The following DCDC1 variants were observed in gnomAD, a reference collection of about 807,000 sequenced individuals.
DCDC1 encodes the protein doublecortin domain containing 1, also known as doublecortin domain-containing protein 1.
Under a neutral mutation model 178.3 loss-of-function variants are expected in DCDC1, and 200 were observed. That is an observed-to-expected ratio of 1.12 (90% CI 1.00 to 1.26). DCDC1 has a LOEUF of 1.26. DCDC1 is among the 50% of genes most tolerant of loss of function. The pLI, the probability that DCDC1 is intolerant of heterozygous loss-of-function variation, is 0.00. For missense variants in DCDC1, 1,983 were observed against 1,749.2 expected (o/e 1.13, Z -2.38); for synonymous variants, 690 against 604.8 (o/e 1.14, Z -2.07).
intron 9 of DCDC1, among the ~76,000 whole-genome samples, chr11:31,165,302 T>C (rs1966672081): frequency 1.3e-5 from 2 of 152,192 alleles, no homozygotes; most frequent in Admixed American, 1.3e-4. Flanking sequence ...TTATACATGA[T>C]GTTGAACAAC....
At chr11:31,068,573 T>A (rs1956381678) in intron 18 of DCDC1, among the ~76,000 whole-genome samples, 1 of 152,134 alleles carries the variant, frequency 6.6e-6, no homozygotes, top group South Asian at 2.1e-4. Flanking sequence ...TGTGTGGGTG[T>A]GGGTATGTGT....
chr11:31,209,488 G>A (rs1052535923), intron 9 of DCDC1, among the ~76,000 whole-genome samples: 6 of 152,138 alleles, frequency 3.9e-5, no homozygotes, highest in African/African-American at 1.4e-4. Context: ...AATAACTAGG[G>A]ATCATTATTG....
At chr11:31,052,332 T>C (rs1955312700) in intron 20 of DCDC1, among the ~76,000 whole-genome samples, 1 of 152,118 alleles carries the variant, frequency 6.6e-6, no homozygotes, top group African/African-American at 2.4e-5. Context: ...CACCTAACAC[T>C]GGAGCTCCCA....
At chr11:30,883,299 A>C in intron 36 of DCDC1, 1 of 198,318 alleles carries the variant, frequency 5.0e-6, no homozygotes, top group Non-Finnish European at 1.1e-5. Flanking sequence ...GACTAGGTGG[A>C]GAAGATCTCA....
chr11:31,008,636 C>T (rs1951993485), intron 20 of DCDC1, among the ~76,000 whole-genome samples: 1 of 152,194 alleles, frequency 6.6e-6, no homozygotes, highest in Admixed American at 6.5e-5. Context: ...TCTCTACACG[C>T]ACACACAAGA....
At chr11:31,076,910 T>TA (rs917227765) in intron 18 of DCDC1, among the ~76,000 whole-genome samples, 5 of 152,042 alleles carry the variant, frequency 3.3e-5, no homozygotes, top group African/African-American at 1.2e-4. Flanking sequence ...CCATATTGGG[T>TA]ATTCACTTGC....
At chr11:30,957,080 C>G (rs1043057064) in intron 20 of DCDC1, among the ~76,000 whole-genome samples, 2 of 152,212 alleles carry the variant, frequency 1.3e-5, no homozygotes, top group African/African-American at 4.8e-5. Flanking sequence ...CTCCTGCCCT[C>G]CACTATAGCG....
chr11:31,218,469 C>T (rs1037135682), intron 9 of DCDC1, among the ~76,000 whole-genome samples: 1 of 152,232 alleles, frequency 6.6e-6, no homozygotes, highest in East Asian at 1.9e-4. Flanking sequence ...AAGAGACATT[C>T]ACTTTTTTAA....
intron 9 of DCDC1, among the ~76,000 whole-genome samples, chr11:31,168,873 T>A (rs371827190): frequency 6.6e-6 from 1 of 152,082 alleles, no homozygotes; most frequent in East Asian, 1.9e-4. Context: ...TTATTTTATT[T>A]TATTAGGTTA....
At chr11:31,065,595 G>A (rs1192863982) in intron 18 of DCDC1, among the ~76,000 whole-genome samples, 1 of 152,172 alleles carries the variant, frequency 6.6e-6, no homozygotes, top group Non-Finnish European at 1.5e-5. Context: ...GCATAGATAA[G>A]ATAGTAACCT....
intron 36 of DCDC1, among the ~76,000 whole-genome samples, chr11:30,888,065 AGAGAG>A (rs1565029171): frequency 4.4e-5 from 4 of 91,946 alleles, no homozygotes; most frequent in African/African-American, 1.4e-4. Flanking sequence ...AAAGAAAGAG[AGAGAG>A]AGAGAGAGAG....
intron 9 of DCDC1, among the ~76,000 whole-genome samples, chr11:31,153,046 T>G (rs1266969964): frequency 1.3e-5 from 2 of 152,148 alleles, no homozygotes; most frequent in Non-Finnish European, 2.9e-5. Context: ...GTCAAAAAAT[T>G]TTTAAACCTT....
intron 20 of DCDC1, among the ~76,000 whole-genome samples, chr11:31,032,184 T>C (rs1014999224): frequency 1.3e-5 from 2 of 152,078 alleles, no homozygotes; most frequent in Non-Finnish European, 2.9e-5. Flanking sequence ...GCCCACAAAG[T>C]TCATATAGAT....
intron 2 of DCDC1, among the ~76,000 whole-genome samples, chr11:31,335,059 G>T (rs1020913080): frequency 6.6e-6 from 1 of 152,166 alleles, no homozygotes; most frequent in Non-Finnish European, 1.5e-5. Flanking sequence ...GCTCTGCCCC[G>T]TTCAAGCTTC....
At chr11:31,118,057 C>G (rs867061301) in intron 11 of DCDC1, among the ~76,000 whole-genome samples, 8 of 152,122 alleles carry the variant, frequency 5.3e-5, no homozygotes, top group Middle Eastern at 3.4e-3. Context: ...TATAGAAAGT[C>G]AGTGTTTTTT....
At chr11:31,174,703 TAA>T (rs1967757328) in intron 9 of DCDC1, among the ~76,000 whole-genome samples, 1 of 152,008 alleles carries the variant, frequency 6.6e-6, no homozygotes, top group Non-Finnish European at 1.5e-5. Context: ...TGAAGCCCAT[TAA>T]AAACCTAGGA....
intron 36 of DCDC1, chr11:30,883,533 A>C (rs1219551035): frequency 1.4e-5 from 6 of 439,868 alleles, no homozygotes; most frequent in Non-Finnish European, 2.3e-5. Context: ...GATAAGGCAA[A>C]GTTTATGAAC....
At chr11:31,282,626 G>T (rs914133223) in intron 7 of DCDC1, among the ~76,000 whole-genome samples, 1 of 151,770 alleles carries the variant, frequency 6.6e-6, no homozygotes, top group Non-Finnish European at 1.5e-5. Context: ...AGCAGCAAAG[G>T]GTCTATAAAA....
intron 9 of DCDC1, among the ~76,000 whole-genome samples, chr11:31,206,522 T>C (rs1294213056): frequency 6.6e-6 from 1 of 152,172 alleles, no homozygotes; most frequent in Non-Finnish European, 1.5e-5. Flanking sequence ...CAAGTGATTC[T>C]CCTGCCTCAG....
Sources: gnomAD v4.1 joint callset for allele counts (sites outside exome capture counted in the v4.1 genomes callset) on GRCh38, gnomAD v4.1.1 for gene constraint, MANE v1.5 for transcripts, NCBI Gene and HGNC (gene_info 2026-07-23, HGNC 2026-07-21) for gene names.